The following BRAT1 variants were observed in gnomAD, a reference collection of about 807,000 sequenced individuals.
BRAT1 encodes BRCA1 associated ATM activator 1, also known as integrator complex assembly factor BRAT1.
BRAT1 carries 74 observed loss-of-function variants against 70.6 expected under a neutral mutation model. The ratio of observed to expected loss-of-function variants is 1.05; its 90% CI spans 0.87 to 1.27. The LOEUF is 1.27. Ranked by LOEUF, BRAT1 falls within the 50% of genes most tolerant of loss-of-function variation. The pLI is 0.00. For missense variants in BRAT1, 1,203 were observed against 1,098.2 expected, an observed-to-expected ratio of 1.10 and a Z score of -1.35; for synonymous variants, 615 against 517.1, an observed-to-expected ratio of 1.19 and a Z score of -2.57.
At chr7:2,546,781 TAA>T (rs898014610) in intron 3 of BRAT1, among the ~76,000 whole-genome samples, 1 of 151,972 alleles carries the variant, frequency 6.6e-6, no homozygotes, top group African/African-American at 2.4e-5. Flanking sequence ...ATTAATTTTT[TAA>T]AAAAAAGACA....
rs1001984191 is a variant in BRAT1, at chr7:2,543,448, G to A, written c.804-125C>T. 2.7e-6 allele frequency: 4 copies of A among 1,480,410 alleles called. No homozygotes were observed. The highest frequency in any genetic ancestry group is 4.8e-5 in the East Asian group (2 of 41,864). 91.7% of individuals were successfully genotyped at this position (1,480,410 alleles called of 1,614,324 possible). The stretch of plus-strand genomic sequence containing the variant: ...GCCCAAGACAGGCCTTTCCCCATGA[G>A]GGTTCCAGGGTCACCCCGGTGCCGC... On this transcript the variant is annotated intron_variant, in intron 5 of 13. Transcript: ENST00000340611. This position sits in a 1 kb window ranked among gnomAD's most constrained non-coding sequence, Gnocchi z 5.5.
chr7:2,544,826 C>A, intron 4 of BRAT1, 83 bp downstream of exon 4: 1 of 1,511,634 alleles, frequency 6.6e-7, no homozygotes. Context: ...ACAGACCAGA[C>A]ACTCAGATTC....
chr7:2,547,160 G>A (rs1159364289), intron 3 of BRAT1, among the ~76,000 whole-genome samples, 164 bp downstream of exon 3: 1 of 152,160 alleles, frequency 6.6e-6, no homozygotes, highest in Non-Finnish European at 1.5e-5. Flanking sequence ...TTCAAAGGGG[G>A]CTACAGTCGG....
At chr7:2,554,201 C>T in intron 2 of BRAT1, 104 bp downstream of exon 2, 3 of 1,448,930 alleles carry the variant, frequency 2.1e-6, no homozygotes, top group Non-Finnish European at 2.8e-6. Flanking sequence ...GCAGTTTCTG[C>T]CCTTCCTCCA....
intron 1 of BRAT1, 98 bp from the exon 2 acceptor site, chr7:2,554,545 G>A (rs1780270224): frequency 5.7e-6 from 8 of 1,409,460 alleles, no homozygotes; most frequent in Non-Finnish European, 7.5e-6. Context: ...CCTGGGAAGG[G>A]GCCCCAGAAC....
chr7:2,543,382 C>A lies in BRAT1; in HGVS notation c.804-59G>T. On this transcript the variant is annotated intron_variant, in intron 5 of 13. Transcript: ENST00000340611. This position sits in a 1 kb window ranked among gnomAD's most constrained non-coding sequence, Gnocchi z 5.5. ...CCCACCCTCAAAACCCCATTCGAGG[C>A]CTGGCTGAGACTGCCATGGCTCCGG... The A allele has an allele frequency of 6.6e-7, 1 of 1,520,790 alleles. No individual in the cohort carries two copies. The highest frequency in any genetic ancestry group is 8.8e-7 in the Non-Finnish European group (1 of 1,134,094). 94.2% of individuals were successfully genotyped at this position (1,520,790 alleles called of 1,614,324 possible).
At chr7:2,554,813 G>T (rs946563624) in intron 1 of BRAT1, among the ~76,000 whole-genome samples, 10 of 152,218 alleles carry the variant, frequency 6.6e-5, no homozygotes, top group Non-Finnish European at 1.0e-4. Flanking sequence ...GAGTTCCGGG[G>T]TCAGCCATGT....
Position 2,543,506 on chromosome 7 carries a change from G to A in BRAT1, c.803+84C>T, listed in dbSNP as rs768276029. ...CAGGCCATGTCCTCAGAGAGTCTCCGGCTGCCAGTGGGACATCCCTGGGCG... is the reference window on the plus strand; with the variant it reads ...CAGGCCATGTCCTCAGAGAGTCTCCAGCTGCCAGTGGGACATCCCTGGGCG... On this transcript the variant is annotated intron_variant, in intron 5 of 13. Coordinates refer to ENST00000340611, the MANE Select transcript of BRAT1 (RefSeq NM_152743.4). This position sits in a 1 kb window ranked among gnomAD's most constrained non-coding sequence, Gnocchi z 5.5. 1.2e-4 allele frequency: 180 copies of A among 1,485,276 alleles called. 1 individual carries two copies. Among genetic ancestry groups the A allele is most frequent in the Middle Eastern group, 1.8e-4 (1 of 5,552 alleles). The allele number at this position is 1,485,276 out of a possible 1,614,324, so 92.0% of individuals were successfully genotyped here. A position where few individuals can be genotyped will look rare whatever the true frequency, so the allele number is the denominator to read the frequency against.
At chr7:2,550,789 G>A (rs1779950445) in intron 2 of BRAT1, among the ~76,000 whole-genome samples, 1 of 152,120 alleles carries the variant, frequency 6.6e-6, no homozygotes, top group African/African-American at 2.4e-5. Context: ...ATTAGATTGT[G>A]CTGATGATTT....
intron 2 of BRAT1, 88 bp downstream of exon 2, chr7:2,554,217 G>A: frequency 1.9e-6 from 3 of 1,540,196 alleles, no homozygotes; most frequent in South Asian, 2.4e-5. Context: ...CTCCAGGACA[G>A]GGGAGTCCCC....
At chr7:2,553,945 C>T (rs1184794303) in intron 2 of BRAT1, among the ~76,000 whole-genome samples, 1 of 152,124 alleles carries the variant, frequency 6.6e-6, no homozygotes, top group Non-Finnish European at 1.5e-5. Context: ...CTGCATCCGG[C>T]CCCTACTTTC....
intron 4 of BRAT1, 185 bp from the exon 5 acceptor site, chr7:2,544,147 C>G (rs1299643666): frequency 2.1e-6 from 1 of 465,320 alleles, no homozygotes; most frequent in Non-Finnish European, 3.8e-6. Flanking sequence ...CTCCTCCCCC[C>G]GAGCGTTAAA....
rs1265744909 is a variant in BRAT1 at position 2,538,700 on chromosome 7, ACCGC to A, written c.1831_1834del (p.Ala611SerfsTer81). 9 of 1,598,124 alleles carry A rather than the reference ACCGC, an allele frequency of 5.6e-6. No homozygotes were observed. The highest frequency in any genetic ancestry group is 7.6e-6 in the Non-Finnish European group (9 of 1,179,808). ...CAGCCACTCAGTGAAGACTTGCATG[ACCGC>A]CCGCCGTGGGAAGCCCTCCGAGTCT... On this transcript the variant is annotated frameshift_variant, in exon 14 of 14. Coordinates refer to ENST00000340611, the MANE Select transcript of BRAT1 (RefSeq NM_152743.4). LOFTEE classifies it low-confidence loss of function (END_TRUNC).
chr7:2,543,318 G>T lies in BRAT1; in HGVS notation c.809C>A (p.Pro270His). ...VDLLLCVARS[P>H]VFSSSDGSLW... ...GCTGCCGTCGGAAGAACTGAACACG[G>T]GAGAACTGCAGGGAGACCCCAGAGA... The change falls in exon 6 of 14, where the codon CCC becomes CAC. Residue 270 changes from proline to histidine, a missense_variant. Pro to His is a moderately conservative substitution (Grantham distance 77). Transcript: ENST00000340611. The surrounding 1 kb of genome is among the most constrained non-coding windows in gnomAD (Gnocchi z 5.5). The T allele has an allele frequency of 6.2e-7, 1 of 1,601,014 alleles. No individual in the cohort carries two copies. Among genetic ancestry groups the T allele is most frequent in the Non-Finnish European group, 8.5e-7 (1 of 1,173,076 alleles).
At chr7:2,539,668 G>A (rs1459317742) in intron 11 of BRAT1, 26 bp from the exon 12 acceptor site, 1 of 1,570,792 alleles carries the variant, frequency 6.4e-7, no homozygotes, top group South Asian at 1.2e-5. Context: ...ACAGGTCAGG[G>A]TGACCTTGGG....
intron 2 of BRAT1, among the ~76,000 whole-genome samples, chr7:2,552,106 A>ATATATATATATATATATATATT (rs1245262304): frequency 5.6e-4 from 8 of 14,188 alleles, no homozygotes; most frequent in Admixed American, 1.1e-3. Context: ...ATATATATAT[A>ATATATATATATATATATATATT]TTTTTTTTTT....
Position 2,547,395 on chromosome 7 carries a change from C to T in BRAT1, c.211G>A (p.Gly71Arg), listed in dbSNP as rs563886796. The T allele has an allele frequency of 6.2e-6, 10 of 1,614,148 alleles. No individual in the cohort carries two copies. The South Asian group carries it at 1.1e-4, about 18-fold the overall frequency. The change falls in exon 3 of 14, where the codon GGG becomes AGG. Residue 71 changes from glycine (G) to arginine (R), a missense_variant. Coordinates refer to ENST00000340611, the MANE Select transcript of BRAT1 (RefSeq NM_152743.4). ...AGGCGCAGTGAGAAGGAGAGGACCCCAGAACTCAGGTCCTGGACTTTCAGC... is the reference window on the plus strand; with the variant it reads ...AGGCGCAGTGAGAAGGAGAGGACCCTAGAACTCAGGTCCTGGACTTTCAGC... The part of the protein sequence containing the change: ...HVLKVQDLSS[G>R]VLSFSLRLAG...
In BRAT1 at chr7:2,538,084, C is replaced by G; in HGVS notation, c.2451G>C (p.Glu817Asp). ...CTGGTTCTGCTCAGTAGCAGTCGGCCTCGTCCCCCTGCAGGAAGCCTCCCG... is the reference window on the plus strand; with the variant it reads ...CTGGTTCTGCTCAGTAGCAGTCGGCGTCGTCCCCCTGCAGGAAGCCTCCCG... Reference protein sequence around the residue: ...LATGGFLQGDEADCY With the variant: ...LATGGFLQGDDADCY Residue 817 changes from glutamate (E) to aspartate (D), a missense_variant, in exon 14 of 14, where the codon GAG (glutamate) becomes GAC (aspartate). Physicochemically the swap from Glu to Asp is conservative, Grantham distance 45 (BLOSUM62 2). Coordinates refer to ENST00000340611, the MANE Select transcript of BRAT1 (RefSeq NM_152743.4). 1 of 1,572,952 alleles carries G rather than the reference C, an allele frequency of 6.4e-7. No individual in the cohort carries two copies. The highest frequency in any genetic ancestry group is 8.7e-7 in the Non-Finnish European group (1 of 1,153,826).
chr7:2,543,211 CG>C lies in BRAT1; in HGVS notation c.915del (p.Glu306SerfsTer7), dbSNP rs1779317592. ...ATGCACCCCAGACCATACCAGTGCT[CG>C]AGCTTCAGGATCCCCAAAGCCAGGG... ...MGPLALGILK[L>X]EHCPQALRTQ... On this transcript the variant is annotated frameshift_variant, in exon 6 of 14. Coordinates refer to ENST00000340611, the MANE Select transcript of BRAT1 (RefSeq NM_152743.4). LOFTEE classifies it high-confidence loss of function. This position sits in a 1 kb window ranked among gnomAD's most constrained non-coding sequence, Gnocchi z 5.5. The C allele has an allele frequency of 1.2e-5, 20 of 1,604,852 alleles. No homozygotes were observed. Among genetic ancestry groups the C allele is most frequent in the Non-Finnish European group, 1.7e-5 (20 of 1,175,948 alleles).
Sources: gnomAD v4.1 joint callset for allele counts (sites outside exome capture counted in the v4.1 genomes callset) on GRCh38, gnomAD v4.1.1 for gene constraint, Gnocchi (gnomAD v3.1) non-coding constraint, MANE v1.5 for transcripts, NCBI Gene and HGNC (gene_info 2026-07-23, HGNC 2026-07-21) for gene names.